Variants in RAD51B observed in about 807,000 individuals in gnomAD.
RAD51B encodes the protein DNA repair protein RAD51 homolog 2.
Under a neutral mutation model 42.2 loss-of-function variants are expected in RAD51B, and 38 were observed. The ratio of observed to expected loss-of-function variants is 0.90; its 90% CI spans 0.70 to 1.18. The LOEUF (loss-of-function observed/expected upper bound fraction) is 1.18, where lower values mean the gene tolerates loss of function less well. Among genes scored for constraint, RAD51B ranks in the 50% most tolerant of loss-of-function variants. The probability of loss-of-function intolerance (pLI) is 0.00; values close to 1 mark genes in which losing one functional copy is unlikely to be tolerated. For missense variants in RAD51B, 373 were observed against 400.7 expected, an observed-to-expected ratio of 0.93 and a Z score of 0.59; for synonymous variants, 154 against 145.2, an observed-to-expected ratio of 1.06 and a Z score of -0.43.
At chr14:68,605,810 G>A (rs150591000) in intron 10 of RAD51B, among the ~76,000 whole-genome samples, 12 of 152,264 alleles carry the variant, frequency 7.9e-5, no homozygotes, top group Admixed American at 3.3e-4. Context: ...GCAAAGTTTC[G>A]TCTTGCTCTC....
chr14:68,301,977 A>G (rs972019849), intron 8 of RAD51B, among the ~76,000 whole-genome samples: 1 of 152,206 alleles, frequency 6.6e-6, no homozygotes, highest in African/African-American at 2.4e-5. Context: ...AGTGCTTGAC[A>G]ATAATAGTTA....
rs144708459 is a variant in RAD51B, at chr14:68,605,617, G to GCT, written c.1037-5378_1037-5377dup. Among the ~76,000 whole-genome samples, 964 of 152,196 alleles carry GCT rather than the reference G, an allele frequency of 6.3e-3. 8 individuals are homozygous for GCT. The highest frequency in any genetic ancestry group is 0.021 in the African/African-American group (888 of 41,512). On this transcript the variant is annotated intron_variant, in intron 10 of 10. Transcript: ENST00000487861. ...GGCGTGCACCTCCATCTGCACATGT[G>GCT]CTCTCTCTCTCTTCTCATAAGGACA...
At chr14:68,021,577 TTTC>T (rs1475000537) in intron 7 of RAD51B, among the ~76,000 whole-genome samples, 1 of 152,228 alleles carries the variant, frequency 6.6e-6, no homozygotes, top group African/African-American at 2.4e-5. Context: ...CTAAGTGTTA[TTTC>T]TTTTCTGTGC....
Position 67,825,472 on chromosome 14 carries a change from A to T in RAD51B, c.93A>T (p.Leu31Phe). The T allele has an allele frequency of 1.2e-6, 2 of 1,608,614 alleles. No homozygotes were observed. Among genetic ancestry groups the T allele is most frequent in the Non-Finnish European group, 1.7e-6 (2 of 1,176,556 alleles). ...TCTTTATGTTTCTTTAGGACTTTTT[A>T]TGTCTTTCCCCACTGGAGCTTATGA... is the stretch of plus-strand genomic sequence containing the variant. Reference protein sequence around the residue: ...RHQILTCQDFLCLSPLELMKV... With the variant: ...RHQILTCQDFFCLSPLELMKV... The change falls in exon 3 of 11, where the codon TTA (leucine) becomes TTT (phenylalanine). Residue 31 changes from leucine (L) to phenylalanine (F), a missense_variant. Physicochemically the swap from Leu to Phe is conservative, Grantham distance 22. Transcript: ENST00000471583.
chr14:68,403,522 A>G (rs1333000132), intron 8 of RAD51B, among the ~76,000 whole-genome samples: 1 of 152,182 alleles, frequency 6.6e-6, no homozygotes, highest in East Asian at 1.9e-4. Context: ...ACGGGTTGGT[A>G]CCAGAAGCCC....
intron 8 of RAD51B, among the ~76,000 whole-genome samples, chr14:68,381,312 C>T (rs539361328): frequency 1.3e-5 from 2 of 152,126 alleles, no homozygotes; most frequent in Non-Finnish European, 2.9e-5. Context: ...CTTATGTGAG[C>T]TTCACTTAAA....
At chr14:68,271,788 C>T (rs551684891) in intron 7 of RAD51B, among the ~76,000 whole-genome samples, 11 of 152,108 alleles carry the variant, frequency 7.2e-5, no homozygotes, top group African/African-American at 2.2e-4. Context: ...TTGAAGATGA[C>T]GATGATGATA....
chr14:67,895,390 T>C (rs756963335), intron 7 of RAD51B, among the ~76,000 whole-genome samples: 3 of 152,200 alleles, frequency 2.0e-5, no homozygotes, highest in Admixed American at 6.5e-5. Flanking sequence ...TTGAATAATA[T>C]CACTTGCCGC....
At chr14:68,575,896 C>T (rs952409801) in intron 10 of RAD51B, among the ~76,000 whole-genome samples, 3 of 152,176 alleles carry the variant, frequency 2.0e-5, no homozygotes, top group African/African-American at 7.2e-5. Context: ...AAGGATTTGA[C>T]TAAGAAGAAT....
intron 10 of RAD51B, among the ~76,000 whole-genome samples, chr14:68,535,862 A>T (rs1159461362): frequency 6.6e-6 from 1 of 152,120 alleles, no homozygotes; most frequent in African/African-American, 2.4e-5. Flanking sequence ...GAGCACTTGG[A>T]GGTTTGGACC....
intron 10 of RAD51B, among the ~76,000 whole-genome samples, chr14:68,625,390 C>T (rs1399404195): frequency 6.6e-6 from 1 of 152,146 alleles, no homozygotes; most frequent in Non-Finnish European, 1.5e-5. Context: ...AATGAAGGAC[C>T]GCCTCCCAAG....
intron 7 of RAD51B, among the ~76,000 whole-genome samples, chr14:68,045,699 T>A (rs1296152396): frequency 6.6e-6 from 1 of 152,092 alleles, no homozygotes; most frequent in Non-Finnish European, 1.5e-5. Flanking sequence ...GAAACAATAA[T>A]TTGAAAATAC....
intron 11 of RAD51B, among the ~76,000 whole-genome samples, chr14:68,652,976 C>A (rs1042784864): frequency 1.3e-5 from 2 of 152,248 alleles, no homozygotes; most frequent in Non-Finnish European, 2.9e-5. Flanking sequence ...TCATACCTAA[C>A]TTGAGGTCCA....
chr14:68,463,849 C>A (rs903290609), intron 9 of RAD51B, among the ~76,000 whole-genome samples: 1 of 152,168 alleles, frequency 6.6e-6, no homozygotes, highest in Non-Finnish European at 1.5e-5. Flanking sequence ...TTGCATCAGG[C>A]ATGGTTTCCT....
chr14:67,953,596 A>T (rs2074493335), intron 7 of RAD51B, among the ~76,000 whole-genome samples: 1 of 152,098 alleles, frequency 6.6e-6, no homozygotes, highest in African/African-American at 2.4e-5. Context: ...TCAAGAATTA[A>T]AATTAAGGGG....
chr14:68,439,714 G>A (rs1255459726), intron 9 of RAD51B, among the ~76,000 whole-genome samples: 2 of 152,194 alleles, frequency 1.3e-5, no homozygotes, highest in African/African-American at 4.8e-5. Flanking sequence ...TTTTGGCCTA[G>A]CCTCCTTCCT....
At chr14:68,097,286 C>T (rs1048178237) in intron 7 of RAD51B, among the ~76,000 whole-genome samples, 14 of 151,294 alleles carry the variant, frequency 9.3e-5, no homozygotes, top group African/African-American at 3.2e-4. Context: ...AGAAATTTAA[C>T]TATTTTGGTT....
At chr14:68,132,565 A>G (rs982779192) in intron 7 of RAD51B, among the ~76,000 whole-genome samples, 4 of 152,200 alleles carry the variant, frequency 2.6e-5, no homozygotes, top group Non-Finnish European at 5.9e-5. Context: ...AGCTTGGTAA[A>G]AAGAGGAAAT....
chr14:67,894,740 C>A (rs1307333567), intron 7 of RAD51B, among the ~76,000 whole-genome samples: 1 of 152,038 alleles, frequency 6.6e-6, no homozygotes, highest in Non-Finnish European at 1.5e-5. Context: ...TCGGGTAAAC[C>A]CTTTATCATG....
Sources: gnomAD v4.1 joint callset for allele counts (sites outside exome capture counted in the v4.1 genomes callset) on GRCh38, gnomAD v4.1.1 for gene constraint, MANE v1.5 for transcripts, NCBI Gene and HGNC (gene_info 2026-07-23, HGNC 2026-07-21) for gene names.